Variants in CRB1 observed in about 807,000 individuals in gnomAD.
CRB1 encodes crumbs cell polarity complex component 1, also known as protein crumbs homolog 1.
In CRB1, 83 loss-of-function variants were observed where a neutral mutation model predicts 120.0. That is an observed-to-expected ratio of 0.69 (90% CI 0.58 to 0.83). The LOEUF (loss-of-function observed/expected upper bound fraction) is 0.83. Among genes scored for constraint, CRB1 ranks in the 40% least tolerant of loss-of-function variants. The pLI, the probability that CRB1 is intolerant of heterozygous loss-of-function variation, is 0.00. For synonymous variants in CRB1, 625 were observed against 612.5 expected, an observed-to-expected ratio of 1.02 and a Z score of -0.30; for missense variants, 1,699 against 1,687.6, an observed-to-expected ratio of 1.01 and a Z score of -0.12.
rs1659843003 is a variant in CRB1, at chr1:197,347,447, G to A, written c.956G>A (p.Ser319Asn). Residue 319 changes from serine to asparagine, a missense_variant, in exon 4 of 12, where the codon AGT becomes AAT. Ser to Asn is a conservative substitution (Grantham distance 46). Coordinates refer to ENST00000367400, the MANE Select transcript of CRB1 (RefSeq NM_201253.3). ...PCHNNATCED[S>N]VDNYTCHCWP... ...CACAATAATGCTACATGTGAGGACA[G>A]TGTTGACAATTACACTTGTCACTGC... is the stretch of plus-strand genomic sequence containing the variant. 1.2e-6 allele frequency: 2 copies of A among 1,614,176 alleles called. No individual in the cohort carries two copies. The highest frequency in any genetic ancestry group is 1.7e-6 in the Non-Finnish European group (2 of 1,179,994).
chr1:197,465,542 T>C (rs941161987), intron 11 of CRB1, among the ~76,000 whole-genome samples: 1 of 152,190 alleles, frequency 6.6e-6, no homozygotes, highest in Non-Finnish European at 1.5e-5. Flanking sequence ...TTGCTGGTTG[T>C]CAGGTTGCTT....
the CRB1 span, among the ~76,000 whole-genome samples, chr1:197,254,811 T>C: frequency 6.6e-6 from 1 of 152,144 alleles, no homozygotes; most frequent in Non-Finnish European, 1.5e-5. Flanking sequence ...ATAATATTTG[T>C]GTTTCTCCTA....
chr1:197,429,119 C>T (rs1664745670), intron 7 of CRB1: 1 of 1,530,900 alleles, frequency 6.5e-7, no homozygotes, highest in African/African-American at 1.4e-5. Context: ...GTAAGAATCC[C>T]TTCCTCAAAT....
chr1:197,322,858 A>G (rs1316490331), intron 1 of CRB1, among the ~76,000 whole-genome samples: 1 of 152,016 alleles, frequency 6.6e-6, no homozygotes, highest in Non-Finnish European at 1.5e-5. Flanking sequence ...CTTCCTTTTC[A>G]TTTGGATTTT....
At chr1:197,335,768 A>AT (rs899753094) in intron 2 of CRB1, among the ~76,000 whole-genome samples, 2 of 152,188 alleles carry the variant, frequency 1.3e-5, no homozygotes, top group Non-Finnish European at 2.9e-5. Flanking sequence ...GAGTGGTGGG[A>AT]TTACAGGCAT....
chr1:197,353,161 ATC>A (rs2125343896), intron 4 of CRB1, among the ~76,000 whole-genome samples: 1 of 152,330 alleles, frequency 6.6e-6, no homozygotes, highest in African/African-American at 2.4e-5. Flanking sequence ...AAATAAGGGG[ATC>A]TTATTTATAT....
chr1:197,394,458 G>T (rs1200954250), intron 5 of CRB1, among the ~76,000 whole-genome samples: 1 of 151,896 alleles, frequency 6.6e-6, no homozygotes, highest in Non-Finnish European at 1.5e-5. Flanking sequence ...CTCTTCAGGG[G>T]TCGGCATCCC....
the CRB1 span, among the ~76,000 whole-genome samples, chr1:197,216,255 T>C: frequency 6.6e-6 from 1 of 152,316 alleles, no homozygotes; most frequent in East Asian, 1.9e-4. Flanking sequence ...CCTCTTTTGT[T>C]TGCTCTCAGA....
intron 11 of CRB1, 106 bp downstream of exon 11, chr1:197,442,398 G>T: frequency 6.2e-7 from 1 of 1,605,338 alleles, no homozygotes. Context: ...TGTTGAGTGG[G>T]GTGAACAGGA....
rs565719386 is a variant in CRB1 at position 197,431,069 on chromosome 1, A to AAAAAAT, written c.2842+1481_2842+1486dup. 3.7e-3 allele frequency among the ~76,000 whole-genome samples: 562 copies of AAAAAAT among 152,040 alleles called. 3 individuals are homozygous for AAAAAAT. The highest frequency in any genetic ancestry group is 0.011 in the African/African-American group (442 of 41,478). ...CAACAAAACAAGACCCTGTCTCAAA[A>AAAAAAT]AAAAATAAAAATAAAAATAAAAATA... On this transcript the variant is annotated intron_variant, in intron 8 of 11. Coordinates refer to ENST00000367400, the MANE Select transcript of CRB1 (RefSeq NM_201253.3).
At chr1:197,240,388 C>T in the CRB1 span, among the ~76,000 whole-genome samples, 1 of 152,100 alleles carries the variant, frequency 6.6e-6, no homozygotes, top group African/African-American at 2.4e-5. Flanking sequence ...CTTTGACAGG[C>T]CCTGGTGTGC....
chr1:197,220,599 G>A, the CRB1 span, among the ~76,000 whole-genome samples: 1 of 152,192 alleles, frequency 6.6e-6, no homozygotes, highest in Non-Finnish European at 1.5e-5. Flanking sequence ...GTCAATGACA[G>A]CTAATGTTTG....
At chr1:197,287,934 A>G (rs1655926095) in intron 1 of CRB1, among the ~76,000 whole-genome samples, 1 of 151,906 alleles carries the variant, frequency 6.6e-6, no homozygotes, top group African/African-American at 2.4e-5. Flanking sequence ...GACATCAGCT[A>G]TCAGAGAATG....
the CRB1 span, among the ~76,000 whole-genome samples, chr1:197,225,064 C>T: frequency 6.6e-6 from 1 of 151,900 alleles, no homozygotes; most frequent in Non-Finnish European, 1.5e-5. Flanking sequence ...AATTTACTTC[C>T]TTATCACAAC....
At chr1:197,474,264 T>C (rs975263130) in intron 11 of CRB1, among the ~76,000 whole-genome samples, 1 of 152,178 alleles carries the variant, frequency 6.6e-6, no homozygotes, top group Non-Finnish European at 1.5e-5. Context: ...ATGATGAAAA[T>C]GAGTTCCTAA....
chr1:197,405,225 G>T (rs1022402025), intron 5 of CRB1, among the ~76,000 whole-genome samples: 2 of 152,128 alleles, frequency 1.3e-5, no homozygotes, highest in African/African-American at 2.4e-5. Flanking sequence ...GCAGGCGCGC[G>T]CCGCCACGCC....
At chr1:197,214,640 G>C in the CRB1 span, among the ~76,000 whole-genome samples, 1 of 151,822 alleles carries the variant, frequency 6.6e-6, no homozygotes, top group Admixed American at 6.6e-5. Flanking sequence ...AAAAAACAAA[G>C]TCTGATCTGA....
Position 197,435,243 on chromosome 1 carries a change from A to G in CRB1, c.3380A>G (p.Lys1127Arg), listed in dbSNP as rs775515998. The G allele has an allele frequency of 6.2e-7, 1 of 1,613,896 alleles. No individual in the cohort carries two copies. The highest frequency in any genetic ancestry group is 8.5e-7 in the Non-Finnish European group (1 of 1,179,852). Residue 1127 changes from lysine (K) to arginine (R), a missense_variant, in exon 9 of 12, where the codon AAA becomes AGA. Coordinates refer to ENST00000367400, the MANE Select transcript of CRB1 (RefSeq NM_201253.3). ...AAACCTCAGGAAGAGCAATTTCTCA[A>G]AATCTCTACCAATTCAGTGGTCACT... ...INKPQEEQFLKISTNSVVTGC... is the reference protein window; with the variant it reads ...INKPQEEQFLRISTNSVVTGC...
rs767706271 is a variant in CRB1, at chr1:197,429,577, C to T, written c.2805C>T (p.His935=). The part of the protein sequence containing the change: ...VQWCGFSPCP[H]GAQCQPVLQG... Reference sequence around the variant, plus strand: ...GGTGTGGATTCAGCCCGTGTCCTCACGGAGCCCAGTGCCAGCCGGTGCTTC... The same window carrying T: ...GGTGTGGATTCAGCCCGTGTCCTCATGGAGCCCAGTGCCAGCCGGTGCTTC... The change falls in exon 8 of 12, where the codon CAC becomes CAT. Residue 935 remains histidine, a synonymous_variant. Coordinates refer to ENST00000367400, the MANE Select transcript of CRB1 (RefSeq NM_201253.3). 11 of 1,613,886 alleles carry T rather than the reference C, an allele frequency of 6.8e-6. No homozygotes were observed. Among genetic ancestry groups the T allele is most frequent in the Middle Eastern group, 1.6e-4 (1 of 6,082 alleles).
Sources: gnomAD v4.1 joint callset for allele counts (sites outside exome capture counted in the v4.1 genomes callset) on GRCh38, gnomAD v4.1.1 for gene constraint, MANE v1.5 for transcripts, NCBI Gene and HGNC (gene_info 2026-07-23, HGNC 2026-07-21) for gene names.